The following BCAS3 variants were observed in gnomAD, a reference collection of about 807,000 sequenced individuals.
BCAS3 encodes the protein BCAS4/BCAS3 fusion.
BCAS3 carries 53 observed loss-of-function variants against 116.1 expected under a neutral mutation model. The ratio of observed to expected loss-of-function variants is 0.46; its 90% CI spans 0.37 to 0.57. The LOEUF is 0.57. Ranked by LOEUF, BCAS3 falls within the 20% of genes least tolerant of loss-of-function variation. The probability of loss-of-function intolerance (pLI) is 0.00; values close to 1 mark genes in which losing one functional copy is unlikely to be tolerated. For missense variants in BCAS3, 917 were observed against 1,165.4 expected, an observed-to-expected ratio of 0.79 and a Z score of 3.10; for synonymous variants, 391 against 408.2, an observed-to-expected ratio of 0.96 and a Z score of 0.51.
chr17:61,296,256 G>T (rs1381940198), intron 22 of BCAS3, among the ~76,000 whole-genome samples: 1 of 152,138 alleles, frequency 6.6e-6, no homozygotes. Context: ...CAAGTTCCTG[G>T]TGGTTACCTT....
At chr17:61,334,716 T>C (rs1235314423) in intron 22 of BCAS3, among the ~76,000 whole-genome samples, 2 of 148,554 alleles carry the variant, frequency 1.3e-5, no homozygotes, top group Non-Finnish European at 3.0e-5. Context: ...TATCCAGTCA[T>C]TGAGCCAATG....
At chr17:60,710,950 G>A (rs1379064886) in intron 5 of BCAS3, among the ~76,000 whole-genome samples, 5 of 151,524 alleles carry the variant, frequency 3.3e-5, no homozygotes, top group Non-Finnish European at 7.4e-5. Flanking sequence ...CTACAGGCAC[G>A]TGCCACCACA....
intron 22 of BCAS3, among the ~76,000 whole-genome samples, chr17:61,094,569 C>T (rs556195706): frequency 6.6e-5 from 10 of 152,248 alleles, no homozygotes; most frequent in South Asian, 6.2e-4. Flanking sequence ...ATTTCTCGGC[C>T]GGACACGATG....
chr17:61,031,519 C>T lies in BCAS3; in HGVS notation c.1638-3147C>T, dbSNP rs2066637030. Among the ~76,000 whole-genome samples, 3 of 152,024 alleles carry T rather than the reference C, an allele frequency of 2.0e-5. No homozygotes were observed. In the South Asian group the frequency reaches 6.2e-4, roughly 32 times the overall value. Reference sequence around the variant, plus strand: ...TGTATCCCATAGAAGATATTTTATTCATAACGTTCTTTTTATTAGATTATT... The same window carrying T: ...TGTATCCCATAGAAGATATTTTATTTATAACGTTCTTTTTATTAGATTATT... On this transcript the variant is annotated intron_variant, in intron 16 of 23. Transcript: ENST00000407086.
Position 61,118,191 on chromosome 17 carries a change from G to T in BCAS3, c.2425+33627G>T, listed in dbSNP as rs915066018. The stretch of plus-strand genomic sequence containing the variant: ...CAGGGGAAGTAGGATGTTCTACCTC[G>T]TTTCTGCCAGGTGGAGGTAGAAGCC... On this transcript the variant is annotated intron_variant, in intron 22 of 23. Transcript: ENST00000407086. The surrounding 1 kb of genome is among the most constrained non-coding windows in gnomAD (Gnocchi z 5.0). Among the ~76,000 whole-genome samples, 19 of 152,108 alleles carry T rather than the reference G, an allele frequency of 1.2e-4. No individual in the cohort carries two copies. The highest frequency in any genetic ancestry group is 1.5e-5 in the Non-Finnish European group (1 of 68,028).
At chr17:61,303,128 A>G (rs2053579343) in intron 22 of BCAS3, among the ~76,000 whole-genome samples, 1 of 152,198 alleles carries the variant, frequency 6.6e-6, no homozygotes, top group South Asian at 2.1e-4. Flanking sequence ...CTCTGCTGAT[A>G]CAGCAAAGCT....
At chr17:61,107,125 C>T (rs143288890) in intron 22 of BCAS3, among the ~76,000 whole-genome samples, 3 of 119,756 alleles carry the variant, frequency 2.5e-5, no homozygotes, top group South Asian at 2.7e-4. Flanking sequence ...CTCGCTCTGT[C>T]GCCCAGGCTG....
chr17:60,973,644 G>T (rs1009921256), intron 14 of BCAS3, among the ~76,000 whole-genome samples: 2 of 149,446 alleles, frequency 1.3e-5, no homozygotes, highest in Non-Finnish European at 2.9e-5. Context: ...CCAGGCTGGA[G>T]GTCAGTGGTG....
rs1221446956 is a variant in BCAS3, at chr17:61,104,103, A to T, written c.2425+19539A>T. Among the ~76,000 whole-genome samples the T allele has an allele frequency of 6.6e-6, 1 of 152,160 alleles. No homozygotes were observed. The highest frequency in any genetic ancestry group is 1.5e-5 in the Non-Finnish European group (1 of 68,024). The stretch of plus-strand genomic sequence containing the variant: ...TGGAATAAAAGAAAAAACTTTTCTA[A>T]AGTTACAAATGGTTTCATTTACCAA... On this transcript the variant is annotated intron_variant, in intron 22 of 23. Transcript: ENST00000407086. This position sits in a 1 kb window ranked among gnomAD's most constrained non-coding sequence, Gnocchi z 4.1.
At chr17:61,192,884 T>C (rs2080232230) in intron 22 of BCAS3, among the ~76,000 whole-genome samples, 1 of 152,212 alleles carries the variant, frequency 6.6e-6, no homozygotes, top group Admixed American at 6.5e-5. Context: ...ACAAGAATGA[T>C]GTGGAGTTGT....
intron 4 of BCAS3, among the ~76,000 whole-genome samples, chr17:60,699,540 C>T (rs1254061653): frequency 6.6e-6 from 1 of 152,100 alleles, no homozygotes; most frequent in African/African-American, 2.4e-5. Flanking sequence ...ATTTGAATGT[C>T]AGGTGTAAAA....
chr17:61,270,398 C>G (rs1300317552), intron 22 of BCAS3, among the ~76,000 whole-genome samples: 1 of 152,156 alleles, frequency 6.6e-6, no homozygotes, highest in Non-Finnish European at 1.5e-5. Flanking sequence ...GCTGGGATTA[C>G]AGGCATAAGC....
At chr17:60,976,039 T>TTTTTTTTTTG (rs1568010966) in intron 14 of BCAS3, among the ~76,000 whole-genome samples, 1 of 132,942 alleles carries the variant, frequency 7.5e-6, no homozygotes, top group Non-Finnish European at 1.5e-5. Context: ...TTTTTTTTTT[T>TTTTTTTTTTG]TCTTTTTGAG....
rs2048808985 is a variant in BCAS3, at chr17:61,256,737, A to G, written c.2426-111590A>G. ...ACAGAGATAAACTGGAGACAGAGTA[A>G]CACAAAAATAATCATTTCAAAAGAA... On this transcript the variant is annotated intron_variant, in intron 22 of 23. Transcript: ENST00000407086. This position sits in a 1 kb window ranked among gnomAD's most constrained non-coding sequence, Gnocchi z 5.6. 6.6e-6 allele frequency among the ~76,000 whole-genome samples: 1 copy of G among 152,208 alleles called. No individual in the cohort carries two copies. The highest frequency in any genetic ancestry group is 2.4e-5 in the African/African-American group (1 of 41,442).
rs2055751837 is a variant in BCAS3, at chr17:61,326,624, G to T, written c.2426-41703G>T. ...CTTTGTTACGGAGTGGACATGGGTGGGTGGAGAGGAAGAGATGTTAAGGAT... is the reference window on the plus strand; with the variant it reads ...CTTTGTTACGGAGTGGACATGGGTGTGTGGAGAGGAAGAGATGTTAAGGAT... On this transcript the variant is annotated intron_variant, in intron 22 of 23. Transcript: ENST00000407086. This position sits in a 1 kb window ranked among gnomAD's most constrained non-coding sequence, Gnocchi z 5.3. Among the ~76,000 whole-genome samples, 1 of 152,184 alleles carries T rather than the reference G, an allele frequency of 6.6e-6. No homozygotes were observed. The highest frequency in any genetic ancestry group is 2.4e-5 in the African/African-American group (1 of 41,448).
rs997669005 is a variant in BCAS3 at position 61,227,706 on chromosome 17, T to C, written c.2426-140621T>C. On this transcript the variant is annotated intron_variant, in intron 22 of 23. Transcript: ENST00000407086. This position sits in a 1 kb window ranked among gnomAD's most constrained non-coding sequence, Gnocchi z 6.1. ...GGAGCACACTCGGGAAAGTTCTTGCTACTCCGAAGGTGATTTTTAGAATCA... is the reference window on the plus strand; with the variant it reads ...GGAGCACACTCGGGAAAGTTCTTGCCACTCCGAAGGTGATTTTTAGAATCA... Among the ~76,000 whole-genome samples, 14 of 152,232 alleles carry C rather than the reference T, an allele frequency of 9.2e-5. No homozygotes were observed. Among genetic ancestry groups the C allele is most frequent in the African/African-American group, 3.4e-4 (14 of 41,470 alleles).
chr17:60,905,646 A>G (rs545660915), intron 11 of BCAS3, among the ~76,000 whole-genome samples: 62 of 152,180 alleles, frequency 4.1e-4, no homozygotes, highest in African/African-American at 1.3e-3. Flanking sequence ...CTGGGGTAAT[A>G]CCCGAAGTTT....
chr17:61,270,391 G>A (rs1256132786), intron 22 of BCAS3, among the ~76,000 whole-genome samples: 1 of 152,120 alleles, frequency 6.6e-6, no homozygotes, highest in African/African-American at 2.4e-5. Flanking sequence ...CCAAAGTGCT[G>A]GGATTACAGG....
At chr17:61,304,755 T>A (rs1425203713) in intron 22 of BCAS3, among the ~76,000 whole-genome samples, 2 of 151,398 alleles carry the variant, frequency 1.3e-5, no homozygotes, top group Non-Finnish European at 1.5e-5. Flanking sequence ...TCCTTCCCAA[T>A]CCTTTTTTTT....
Sources: gnomAD v4.1 joint callset for allele counts (sites outside exome capture counted in the v4.1 genomes callset) on GRCh38, gnomAD v4.1.1 for gene constraint, Gnocchi (gnomAD v3.1) non-coding constraint, MANE v1.5 for transcripts, NCBI Gene and HGNC (gene_info 2026-07-23, HGNC 2026-07-21) for gene names.